Variants in GABRB1 observed in about 807,000 individuals in gnomAD.
GABRB1 encodes gamma-aminobutyric acid type A receptor subunit beta1.
A neutral mutation model predicts 51.6 loss-of-function variants in GABRB1; 17 were observed. The observed-to-expected ratio is 0.33, with a 90% CI of 0.23 to 0.49. The LOEUF (loss-of-function observed/expected upper bound fraction) is 0.49, where lower values mean the gene tolerates loss of function less well. GABRB1 is among the 20% of genes least tolerant of loss of function. The pLI is 0.99. For missense variants in GABRB1, 410 were observed against 600.6 expected (o/e 0.68, Z 3.32); for synonymous variants, 247 against 218.9 (o/e 1.13, Z -1.14).
intron 5 of GABRB1, among the ~76,000 whole-genome samples, chr4:47,346,060 C>A (rs1726077814): frequency 7.3e-6 from 1 of 137,414 alleles, no homozygotes; most frequent in Admixed American, 7.4e-5. Flanking sequence ...AAAAAAAAGG[C>A]CTGCAGATAC....
upstream of GABRB1, among the ~76,000 whole-genome samples, chr4:47,031,035 G>A (rs1725271610): frequency 6.6e-6 from 1 of 152,116 alleles, no homozygotes. Flanking sequence ...GTCCTAGGAT[G>A]CCTCCCAAGG....
intron 4 of GABRB1, among the ~76,000 whole-genome samples, chr4:47,180,128 T>C (rs1718883079): frequency 6.6e-6 from 1 of 151,960 alleles, no homozygotes; most frequent in Non-Finnish European, 1.5e-5. Context: ...TCACAATCTT[T>C]TTTTTTTCTA....
chr4:47,388,792 G>A (rs116040252), intron 5 of GABRB1, among the ~76,000 whole-genome samples: 4,867 of 152,160 alleles, frequency 0.032, 115 homozygotes, highest in Non-Finnish European at 0.05. Context: ...CATACCCTGG[G>A]AAGGACCAGA....
At chr4:47,307,253 A>G (rs1489485734) in intron 4 of GABRB1, among the ~76,000 whole-genome samples, 1 of 152,096 alleles carries the variant, frequency 6.6e-6, no homozygotes, top group East Asian at 1.9e-4. Flanking sequence ...ACCCCTCCAG[A>G]ATTTACCTAT....
chr4:46,996,070 GTT>G lies in GABRB1; in HGVS notation c.-20+2159_-20+2160del, dbSNP rs35038999. Among the ~76,000 whole-genome samples the G allele has an allele frequency of 3.4e-3, 474 of 139,990 alleles. 1 individual carries two copies. Among genetic ancestry groups the G allele is most frequent in the African/African-American group, 9.6e-3 (364 of 38,064 alleles). The allele number at this position is 139,990 out of a possible 152,430, so 91.8% of individuals were successfully genotyped here. A position where few individuals can be genotyped will look rare whatever the true frequency, so the allele number is the denominator to read the frequency against. On this transcript the variant is annotated intron_variant, in intron 1 of 3. Transcript: ENST00000513567. ...AAAAAATATTGCCTGCTAACTTGAG[GTT>G]TTTTTTTTTTTTTTAGAAATCTAAC...
intron 7 of GABRB1, among the ~76,000 whole-genome samples, chr4:47,406,255 G>A (rs569827315): frequency 1.5e-4 from 23 of 152,306 alleles, no homozygotes; most frequent in African/African-American, 5.3e-4. Flanking sequence ...CCAGCTTTCA[G>A]TTTGGTAGAG....
chr4:47,357,665 C>T (rs767249335), intron 5 of GABRB1, among the ~76,000 whole-genome samples: 2 of 152,160 alleles, frequency 1.3e-5, no homozygotes, highest in Non-Finnish European at 2.9e-5. Flanking sequence ...TTCTGGGGTC[C>T]TCCTCTGGTA....
intron 8 of GABRB1, among the ~76,000 whole-genome samples, chr4:47,413,347 G>A (rs1728819683): frequency 6.6e-6 from 1 of 152,082 alleles, no homozygotes; most frequent in African/African-American, 2.4e-5. Flanking sequence ...ACCTGCTTAG[G>A]TTTGGTAGTT....
At chr4:47,243,174 T>A (rs1207337038) in intron 4 of GABRB1, among the ~76,000 whole-genome samples, 1 of 152,236 alleles carries the variant, frequency 6.6e-6, no homozygotes, top group Non-Finnish European at 1.5e-5. Context: ...TTTGCCAGGT[T>A]TGTCAAAGAT....
At chr4:47,004,521 A>C (rs2109432148) in intron 1 of GABRB1, among the ~76,000 whole-genome samples, 1 of 152,300 alleles carries the variant, frequency 6.6e-6, no homozygotes, top group South Asian at 2.1e-4. Context: ...GCATAATATT[A>C]ATACTTTAAA....
At chr4:47,112,423 A>G (rs539125447) in intron 3 of GABRB1, among the ~76,000 whole-genome samples, 10 of 152,326 alleles carry the variant, frequency 6.6e-5, no homozygotes, top group African/African-American at 1.7e-4. Flanking sequence ...GTATTCTACA[A>G]TTGTGTTACT....
chr4:47,184,185 A>T (rs1719070303), intron 4 of GABRB1, among the ~76,000 whole-genome samples: 1 of 152,036 alleles, frequency 6.6e-6, no homozygotes, highest in African/African-American at 2.4e-5. Context: ...GAAGGAAATC[A>T]TTCTTTCTGT....
intron 4 of GABRB1, among the ~76,000 whole-genome samples, chr4:47,171,742 C>T (rs1429706542): frequency 6.6e-6 from 1 of 152,006 alleles, no homozygotes; most frequent in African/African-American, 2.4e-5. Context: ...AATGATAGTT[C>T]CTCATTTATA....
At chr4:47,391,951 A>G (rs1728010574) in intron 5 of GABRB1, among the ~76,000 whole-genome samples, 1 of 152,214 alleles carries the variant, frequency 6.6e-6, no homozygotes, top group Non-Finnish European at 1.5e-5. Context: ...AGCTATAGAA[A>G]CAGTTGAAAT....
chr4:47,227,894 C>T (rs1721004455), intron 4 of GABRB1, among the ~76,000 whole-genome samples: 1 of 152,154 alleles, frequency 6.6e-6, no homozygotes, highest in South Asian at 2.1e-4. Flanking sequence ...ACATGCATCC[C>T]TGGAATCTTT....
intron 4 of GABRB1, among the ~76,000 whole-genome samples, chr4:47,228,252 G>A (rs780716246): frequency 1.8e-4 from 28 of 151,992 alleles, no homozygotes; most frequent in Non-Finnish European, 2.4e-4. Context: ...TTATCCTGAG[G>A]CAAAATTCTT....
intron 4 of GABRB1, among the ~76,000 whole-genome samples, chr4:47,186,652 G>A (rs1262223618): frequency 6.6e-6 from 1 of 151,766 alleles, no homozygotes; most frequent in Non-Finnish European, 1.5e-5. Context: ...CACAGACAAT[G>A]ACAATGGAAC....
chr4:47,297,829 C>T (rs1578073914), intron 4 of GABRB1, among the ~76,000 whole-genome samples: 1 of 152,164 alleles, frequency 6.6e-6, no homozygotes, highest in African/African-American at 2.4e-5. Context: ...AGACCAATAT[C>T]CTTGATGAAT....
intron 3 of GABRB1, among the ~76,000 whole-genome samples, chr4:47,103,508 A>G (rs1443660367): frequency 6.6e-6 from 1 of 151,988 alleles, no homozygotes; most frequent in East Asian, 1.9e-4. Context: ...TCATTATGCT[A>G]TTCTATTTAA....
Sources: allele counts gnomAD v4.1 joint callset (sites outside exome capture counted in the v4.1 genomes callset), GRCh38; gene constraint gnomAD v4.1.1; transcripts MANE v1.5; gene names NCBI Gene and HGNC (gene_info 2026-07-23, HGNC 2026-07-21).